Variants in RAPH1 observed in about 807,000 individuals in gnomAD.
RAPH1 encodes the protein ras-associated and pleckstrin homology domains-containing protein 1.
RAPH1 carries 18 observed loss-of-function variants against 88.1 expected under a neutral mutation model. The ratio of observed to expected loss-of-function variants is 0.20; its 90% confidence interval spans 0.14 to 0.30. The LOEUF (loss-of-function observed/expected upper bound fraction) is 0.30. Among genes scored for constraint, RAPH1 ranks in the 10% least tolerant of loss-of-function variants. The probability of loss-of-function intolerance (pLI) is 1.00; values close to 1 mark genes in which losing one functional copy is unlikely to be tolerated. For missense variants in RAPH1, 1,448 were observed against 1,543.2 expected (o/e 0.94, Z 1.03); for synonymous variants, 587 against 559.0 (o/e 1.05, Z -0.71).
At chr2:203,491,044 CA>C (rs1234982757) in intron 3 of RAPH1, among the ~76,000 whole-genome samples, 169 bp downstream of exon 3, 226 of 52,720 alleles carry the variant, frequency 4.3e-3, no homozygotes, top group Middle Eastern at 0.011. Flanking sequence ...AACTCTGTCT[CA>C]AAAAAAAAAA....
chr2:203,448,095 G>A lies in RAPH1; in HGVS notation c.1513-16C>T. The A allele has an allele frequency of 6.2e-7, 1 of 1,612,400 alleles. No homozygotes were observed. Among genetic ancestry groups the A allele is most frequent in the Non-Finnish European group, 8.5e-7 (1 of 1,179,064 alleles). ...GCTTCCCATACTAAAGAGAAGACAG[G>A]AAATGGTGACATCTAAACTTTACTG... On this transcript the variant is annotated splice_polypyrimidine_tract_variant and intron_variant, in intron 11 of 13. Transcript: ENST00000319170. This position sits in a 1 kb window ranked among gnomAD's most constrained non-coding sequence, Gnocchi z 4.1.
At chr2:203,478,195 G>A (rs764630804) in intron 4 of RAPH1, among the ~76,000 whole-genome samples, 2 of 151,684 alleles carry the variant, frequency 1.3e-5, no homozygotes, top group Non-Finnish European at 2.9e-5. Flanking sequence ...CACCAAGCCC[G>A]GCTAATTTTT....
Position 203,489,599 on chromosome 2 carries a change from C to T in RAPH1, c.717G>A (p.Gly239=). The T allele has an allele frequency of 6.4e-7, 1 of 1,571,232 alleles. No individual in the cohort carries two copies. Among genetic ancestry groups the T allele is most frequent in the East Asian group, 2.3e-5 (1 of 44,322 alleles). ...ATTTATTTACCTCAGTAATTGGCTGCCCTTGATGTGTCAAATCCAGCTCTT... is the reference window on the plus strand; with the variant it reads ...ATTTATTTACCTCAGTAATTGGCTGTCCTTGATGTGTCAAATCCAGCTCTT... ...RPQELDLTHQ[G]QPITEEEQAA... is the part of the protein sequence containing the mutation. Residue 239 remains glycine (G), a synonymous_variant, in exon 4 of 14, where the codon GGG becomes GGA. Transcript: ENST00000319170.
At chr2:203,528,076 G>T (rs1456205017) in intron 1 of RAPH1, among the ~76,000 whole-genome samples, 1 of 152,056 alleles carries the variant, frequency 6.6e-6, no homozygotes, top group Non-Finnish European at 1.5e-5. Flanking sequence ...GATGAAGTAA[G>T]CATTTATCTT....
At chr2:203,508,334 T>C (rs926226366) in intron 1 of RAPH1, among the ~76,000 whole-genome samples, 13 of 151,860 alleles carry the variant, frequency 8.6e-5, no homozygotes, top group Non-Finnish European at 1.2e-4. Context: ...GGTTTCTCCA[T>C]GTTGGTCAGG....
intron 12 of RAPH1, chr2:203,445,264 A>G (rs1315343167): frequency 5.3e-6 from 2 of 376,420 alleles, no homozygotes; most frequent in South Asian, 6.5e-5. Flanking sequence ...AATGATTCAC[A>G]TAACATTATT....
chr2:203,441,937 G>A (rs2098504616), intron 13 of RAPH1: 1 of 1,382,692 alleles, frequency 7.2e-7, no homozygotes, highest in Non-Finnish European at 9.4e-7. Flanking sequence ...AGGAGAGTAT[G>A]AGAATGTTGA....
intron 1 of RAPH1, among the ~76,000 whole-genome samples, chr2:203,516,447 C>A: frequency 6.6e-6 from 1 of 152,204 alleles, no homozygotes; most frequent in East Asian, 1.9e-4. Context: ...CTAAATGTAT[C>A]AATTGAAAGA....
intron 4 of RAPH1, among the ~76,000 whole-genome samples, chr2:203,469,677 A>C (rs972244237): frequency 2.6e-5 from 4 of 152,232 alleles, no homozygotes; most frequent in Admixed American, 2.6e-4. Flanking sequence ...AAAATATTTC[A>C]AATGGATATA....
chr2:203,445,346 G>T (rs531703120), intron 12 of RAPH1: 10 of 211,776 alleles, frequency 4.7e-5, no homozygotes, highest in South Asian at 1.4e-4. Context: ...ATCAGTAGAG[G>T]AGTCTCTCAA....
At chr2:203,530,374 T>C (rs777600354) in intron 1 of RAPH1, among the ~76,000 whole-genome samples, 5 of 152,236 alleles carry the variant, frequency 3.3e-5, no homozygotes, top group African/African-American at 7.2e-5. Context: ...GTTAGAGATG[T>C]TAAACAATCC....
intron 1 of RAPH1, among the ~76,000 whole-genome samples, chr2:203,511,414 T>G (rs1054141573): frequency 6.6e-6 from 1 of 152,182 alleles, no homozygotes; most frequent in Admixed American, 6.5e-5. Flanking sequence ...CACTTTAGCT[T>G]CAGAAGAGTA....
intron 6 of RAPH1, 64 bp from the exon 7 acceptor site, chr2:203,460,092 ACTTTGTGAAGTAGT>A (rs1393426359): frequency 2.1e-6 from 3 of 1,453,176 alleles, no homozygotes; most frequent in Admixed American, 2.1e-5. Flanking sequence ...AAGACATGAA[ACTTTGTGAAGTAGT>A]TAACCTCAGA....
In RAPH1 at chr2:203,434,980, C is replaced by A. The variant is rs1195251312; in HGVS notation, c.*4457G>T. ...ACCTCAAAGTTTGCTTGCTGGATTT[C>A]TTTAAAAATATTCTGCCAAAAGAGT... is the stretch of plus-strand genomic sequence containing the variant. On this transcript the variant is annotated 3_prime_UTR_variant, in exon 14 of 14. Transcript: ENST00000319170. The A allele has an allele frequency of 2.0e-5, 3 of 152,680 alleles. No homozygotes were observed. Among genetic ancestry groups the A allele is most frequent in the Non-Finnish European group, 4.4e-5 (3 of 68,006 alleles). 9.5% of individuals were successfully genotyped at this position (152,680 alleles called of 1,614,324 possible).
rs970568101 is a variant in RAPH1 at position 203,460,009 on chromosome 2, A to G, written c.990T>C (p.His330=). Residue 330 remains histidine (H), a synonymous_variant, in exon 7 of 14, where the codon CAT becomes CAC. Transcript: ENST00000319170. ...ELQMERIFED[H]ENLVENLLNW... is the part of the protein sequence containing the mutation. ...TAAGAAGATTTTCAACCAAGTTTTCATGGTCTTCAAAGATTCTCTCTGTCC... is the reference window on the plus strand; with the variant it reads ...TAAGAAGATTTTCAACCAAGTTTTCGTGGTCTTCAAAGATTCTCTCTGTCC... The G allele has an allele frequency of 3.7e-6, 6 of 1,609,108 alleles. No individual in the cohort carries two copies. Among genetic ancestry groups the G allele is most frequent in the Non-Finnish European group, 5.1e-6 (6 of 1,176,608 alleles).
intron 4 of RAPH1, among the ~76,000 whole-genome samples, chr2:203,488,927 C>T (rs1361348838): frequency 6.6e-6 from 1 of 152,104 alleles, no homozygotes; most frequent in Non-Finnish European, 1.5e-5. Flanking sequence ...AGTTCGAGAC[C>T]AGCCTGGCCA....
intron 1 of RAPH1, among the ~76,000 whole-genome samples, chr2:203,520,579 A>T (rs12995558): frequency 6.6e-6 from 1 of 151,994 alleles, no homozygotes; most frequent in Non-Finnish European, 1.5e-5. Flanking sequence ...GTGAGCTGAG[A>T]TCATGCCATT....
intron 4 of RAPH1, among the ~76,000 whole-genome samples, chr2:203,478,339 T>C (rs1312081988): frequency 2.0e-5 from 3 of 152,106 alleles, no homozygotes; most frequent in Non-Finnish European, 4.4e-5. Flanking sequence ...CGGCTTGTCA[T>C]CAAGAACTTT....
chr2:203,518,523 AAAAAAAAC>A (rs947805683), intron 1 of RAPH1, among the ~76,000 whole-genome samples: 3 of 108,798 alleles, frequency 2.8e-5, no homozygotes, highest in African/African-American at 5.7e-5. Flanking sequence ...ATCTCCAAAC[AAAAAAAAC>A]AAAAAAACAA....
Sources: allele counts gnomAD v4.1 joint callset (sites outside exome capture counted in the v4.1 genomes callset), GRCh38; gene constraint gnomAD v4.1.1; non-coding constraint Gnocchi (gnomAD v3.1); transcripts MANE v1.5; gene names NCBI Gene and HGNC (gene_info 2026-07-23, HGNC 2026-07-21).